GRID1: variants seen among roughly 807,000 people sequenced by gnomAD.
GRID1 encodes the protein glutamate receptor ionotropic, delta-1.
In GRID1, 28 loss-of-function variants were observed where a neutral mutation model predicts 98.0. That is an observed-to-expected ratio of 0.29 (90% CI 0.21 to 0.39). GRID1 has a LOEUF of 0.39. Among genes scored for constraint, GRID1 ranks in the 10% least tolerant of loss-of-function variants. The pLI is 1.00. For synonymous variants in GRID1, 553 were observed against 538.5 expected (o/e 1.03, Z -0.37); for missense variants, 1,111 against 1,340.5 (o/e 0.83, Z 2.67).
At chr10:85,854,357 T>C in intron 8 of GRID1, 139 bp downstream of exon 8, 1 of 772,678 alleles carries the variant, frequency 1.3e-6, no homozygotes, top group Non-Finnish European at 2.1e-6. Flanking sequence ...CAGCCAATGG[T>C]AGCATCAGCA....
chr10:85,839,100 C>T (rs1842938662), intron 8 of GRID1, among the ~76,000 whole-genome samples: 1 of 152,084 alleles, frequency 6.6e-6, no homozygotes. Context: ...TCTAACTATC[C>T]TAAATATATA....
intron 2 of GRID1, among the ~76,000 whole-genome samples, chr10:86,359,324 G>A (rs1848572996): frequency 6.6e-6 from 1 of 152,154 alleles, no homozygotes; most frequent in Non-Finnish European, 1.5e-5. Context: ...TGGAGCCAAC[G>A]AAGATGCCGG....
intron 12 of GRID1, among the ~76,000 whole-genome samples, chr10:85,720,825 T>A (rs1166666890): frequency 6.6e-6 from 1 of 152,108 alleles, no homozygotes; most frequent in Non-Finnish European, 1.5e-5. Context: ...AGACTTGACA[T>A]CAAAAGCGTG....
intron 2 of GRID1, among the ~76,000 whole-genome samples, chr10:86,281,221 G>T (rs551861884): frequency 2.0e-5 from 3 of 152,320 alleles, no homozygotes; most frequent in African/African-American, 7.2e-5. Context: ...GAAGGAAATG[G>T]AACACTTGGA....
At chr10:85,726,701 A>G (rs887026590) in intron 10 of GRID1, among the ~76,000 whole-genome samples, 1 of 152,150 alleles carries the variant, frequency 6.6e-6, no homozygotes, top group Admixed American at 6.5e-5. Flanking sequence ...TTTACACAAA[A>G]TGTTCACTGA....
intron 4 of GRID1, among the ~76,000 whole-genome samples, chr10:86,107,273 G>C (rs1478857445): frequency 6.6e-6 from 1 of 152,204 alleles, no homozygotes; most frequent in Non-Finnish European, 1.5e-5. Context: ...CTGTGGCCCT[G>C]CCCTGGCCCA....
At chr10:86,234,005 A>T (rs1416361368) in intron 2 of GRID1, among the ~76,000 whole-genome samples, 1 of 151,932 alleles carries the variant, frequency 6.6e-6, no homozygotes, top group African/African-American at 2.4e-5. Flanking sequence ...TGCTGGGTTG[A>T]CTGTGGCTGC....
chr10:85,895,922 C>T (rs1396751773), intron 5 of GRID1, among the ~76,000 whole-genome samples: 2 of 151,898 alleles, frequency 1.3e-5, no homozygotes, highest in Non-Finnish European at 2.9e-5. Flanking sequence ...TAGTGAGAAA[C>T]ATCTCTCTGG....
intron 2 of GRID1, among the ~76,000 whole-genome samples, chr10:86,295,986 A>G (rs1847583689): frequency 6.6e-6 from 1 of 152,172 alleles, no homozygotes; most frequent in Non-Finnish European, 1.5e-5. Context: ...CTGTTGCCAG[A>G]GAGGTTTGAG....
intron 13 of GRID1, among the ~76,000 whole-genome samples, chr10:85,630,038 G>T (rs939228219): frequency 2.7e-4 from 41 of 151,954 alleles, no homozygotes; most frequent in African/African-American, 9.7e-4. Flanking sequence ...CATGTCCTTT[G>T]CCCACTTTTT....
chr10:85,696,105 C>T (rs1228897858), intron 12 of GRID1, among the ~76,000 whole-genome samples: 1 of 152,066 alleles, frequency 6.6e-6, no homozygotes, highest in African/African-American at 2.4e-5. Flanking sequence ...ATCCAATTAA[C>T]ATATGTATAG....
At chr10:86,249,822 G>T (rs1306333770) in intron 2 of GRID1, among the ~76,000 whole-genome samples, 2 of 152,208 alleles carry the variant, frequency 1.3e-5, no homozygotes, top group Non-Finnish European at 2.9e-5. Context: ...CCCCACAATA[G>T]AACCTTCCAA....
chr10:85,635,769 A>T (rs1243238082), intron 13 of GRID1, among the ~76,000 whole-genome samples: 1 of 152,208 alleles, frequency 6.6e-6, no homozygotes, highest in Non-Finnish European at 1.5e-5. Flanking sequence ...AGCCCAGGGA[A>T]GGCTCAGGAG....
At chr10:85,623,405 C>T (rs1390944925) in intron 13 of GRID1, among the ~76,000 whole-genome samples, 1 of 152,180 alleles carries the variant, frequency 6.6e-6, no homozygotes, top group African/African-American at 2.4e-5. Context: ...CTCCATCCTG[C>T]CCCACAAAAA....
At chr10:86,359,361 C>A (rs767948843) in intron 2 of GRID1, among the ~76,000 whole-genome samples, 2 of 152,142 alleles carry the variant, frequency 1.3e-5, no homozygotes, top group Non-Finnish European at 2.9e-5. Flanking sequence ...GGATGGGGAG[C>A]CTCTAGCAGA....
rs1842551881 is a variant in GRID1, at chr10:85,599,965, ACATCCTC to A, written c.*2301_*2307del. On this transcript the variant is annotated 3_prime_UTR_variant, in exon 16 of 16. Coordinates refer to ENST00000327946, the MANE Select transcript of GRID1 (RefSeq NM_017551.3). ...AACACACACACACAGGCGCACAAAC[ACATCCTC>A]CATCTCCCTCTCTTTCCTCCTTGAC... The A allele has an allele frequency of 6.7e-6, 1 of 150,248 alleles. No homozygotes were observed. The highest frequency in any genetic ancestry group is 2.1e-4 in the South Asian group (1 of 4,658). 9.3% of individuals were successfully genotyped at this position (150,248 alleles called of 1,614,324 possible). A position where few individuals can be genotyped will look rare whatever the true frequency, so the allele number is the denominator to read the frequency against.
At chr10:85,963,520 A>G (rs1207263044) in intron 4 of GRID1, among the ~76,000 whole-genome samples, 1 of 152,172 alleles carries the variant, frequency 6.6e-6, no homozygotes, top group Non-Finnish European at 1.5e-5. Flanking sequence ...TAGCTTTTCA[A>G]AAAAACTCTA....
At chr10:86,026,871 G>A (rs1589341962) in intron 4 of GRID1, among the ~76,000 whole-genome samples, 1 of 152,228 alleles carries the variant, frequency 6.6e-6, no homozygotes, top group Non-Finnish European at 1.5e-5. Context: ...TGGGACTGGA[G>A]AAAATGCATG....
chr10:85,956,422 G>A (rs1224422559), intron 4 of GRID1, among the ~76,000 whole-genome samples: 1 of 152,178 alleles, frequency 6.6e-6, no homozygotes, highest in Admixed American at 6.5e-5. Flanking sequence ...TCCTTTCAAA[G>A]TTTATGAGGA....
Sources: gnomAD v4.1 joint callset for allele counts (sites outside exome capture counted in the v4.1 genomes callset) on GRCh38, gnomAD v4.1.1 for gene constraint, MANE v1.5 for transcripts, NCBI Gene and HGNC (gene_info 2026-07-23, HGNC 2026-07-21) for gene names.